MOB3B: variants seen among roughly 807,000 people sequenced by gnomAD.
MOB3B encodes MOB kinase activator 3B.
MOB3B carries 7 observed loss-of-function variants against 18.7 expected under a neutral mutation model. The observed-to-expected ratio is 0.37, with a 90% CI of 0.21 to 0.70. The LOEUF (loss-of-function observed/expected upper bound fraction) is 0.70, where lower values mean the gene tolerates loss of function less well. Ranked by LOEUF, MOB3B falls within the 30% of genes least tolerant of loss-of-function variation. The pLI is 0.52. For synonymous variants in MOB3B, 111 were observed against 99.9 expected (o/e 1.11, Z -0.66); for missense variants, 253 against 281.3 (o/e 0.90, Z 0.72).
chr9:27,417,102 G>A (rs1270729614), intron 2 of MOB3B, among the ~76,000 whole-genome samples: 1 of 152,184 alleles, frequency 6.6e-6, no homozygotes, highest in Non-Finnish European at 1.5e-5. Context: ...AGTGGCTCAC[G>A]CCTGTAATCC....
chr9:27,418,554 T>C (rs1822191627), intron 2 of MOB3B, among the ~76,000 whole-genome samples: 1 of 152,146 alleles, frequency 6.6e-6, no homozygotes, highest in Non-Finnish European at 1.5e-5. Flanking sequence ...ATAAATGTGA[T>C]ACACATAAAC....
intron 2 of MOB3B, among the ~76,000 whole-genome samples, chr9:27,366,030 G>A (rs887215617): frequency 1.3e-5 from 2 of 152,206 alleles, no homozygotes; most frequent in Admixed American, 6.5e-5. Context: ...TGAGCAATTA[G>A]GCTAAGGAGG....
intron 2 of MOB3B, among the ~76,000 whole-genome samples, chr9:27,368,777 A>G (rs1323916922): frequency 2.6e-5 from 4 of 152,190 alleles, no homozygotes; most frequent in Admixed American, 2.0e-4. Flanking sequence ...ATTCTTTCAG[A>G]CATGCCATGT....
chr9:27,390,358 A>G (rs1317170698), intron 2 of MOB3B, among the ~76,000 whole-genome samples: 2 of 152,136 alleles, frequency 1.3e-5, no homozygotes, highest in African/African-American at 4.8e-5. Context: ...ACCCGCCACA[A>G]CTGTGGCTAA....
chr9:27,364,317 C>T (rs567212986), intron 2 of MOB3B, among the ~76,000 whole-genome samples: 96 of 152,178 alleles, frequency 6.3e-4, no homozygotes, highest in Non-Finnish European at 1.3e-3. Context: ...ACATAAGACA[C>T]GATAGACCCT....
chr9:27,413,006 A>T (rs1822094795), intron 2 of MOB3B, among the ~76,000 whole-genome samples: 1 of 152,252 alleles, frequency 6.6e-6, no homozygotes, highest in African/African-American at 2.4e-5. Context: ...TGCTTTAGCC[A>T]TCTACAGGAC....
chr9:27,346,448 A>G (rs935160922), intron 3 of MOB3B, among the ~76,000 whole-genome samples: 1 of 152,186 alleles, frequency 6.6e-6, no homozygotes, highest in Non-Finnish European at 1.5e-5. Context: ...CTTCCTTTTT[A>G]TAATGAAGAT....
At chr9:27,355,244 A>G (rs1036854245) in intron 3 of MOB3B, among the ~76,000 whole-genome samples, 1 of 152,164 alleles carries the variant, frequency 6.6e-6, no homozygotes, top group African/African-American at 2.4e-5. Flanking sequence ...TGGTGGAGGC[A>G]AGGCAGAGGG....
intron 3 of MOB3B, among the ~76,000 whole-genome samples, chr9:27,335,130 A>G (rs758813279): frequency 3.9e-5 from 6 of 152,256 alleles, no homozygotes; most frequent in Non-Finnish European, 7.3e-5. Flanking sequence ...CATATGGAAC[A>G]TATGAAGAAG....
At chr9:27,436,355 G>A (rs1295229798) in intron 2 of MOB3B, among the ~76,000 whole-genome samples, 2 of 152,210 alleles carry the variant, frequency 1.3e-5, no homozygotes, top group Non-Finnish European at 2.9e-5. Flanking sequence ...AACACTGAGT[G>A]GAAGAGATTC....
chr9:27,411,172 T>C (rs1197736509), intron 2 of MOB3B, among the ~76,000 whole-genome samples: 1 of 152,222 alleles, frequency 6.6e-6, no homozygotes, highest in East Asian at 1.9e-4. Context: ...CCCTAATAAG[T>C]GGCTTCTTTC....
At chr9:27,446,107 A>G (rs1011602375) in intron 2 of MOB3B, among the ~76,000 whole-genome samples, 24 of 152,186 alleles carry the variant, frequency 1.6e-4, no homozygotes, top group African/African-American at 4.8e-4. Context: ...TAGACACATC[A>G]CTAAGGAGAT....
At chr9:27,510,700 G>A (rs1237944912) in intron 1 of MOB3B, among the ~76,000 whole-genome samples, 1 of 152,094 alleles carries the variant, frequency 6.6e-6, no homozygotes, top group Non-Finnish European at 1.5e-5. Context: ...AGCCAATGTT[G>A]AGCAAATGGA....
At chr9:27,351,150 G>T (rs997906632) in intron 3 of MOB3B, among the ~76,000 whole-genome samples, 1 of 152,132 alleles carries the variant, frequency 6.6e-6, no homozygotes, top group Non-Finnish European at 1.5e-5. Context: ...TGATCCACCC[G>T]CCTAGGCCTC....
intron 1 of MOB3B, among the ~76,000 whole-genome samples, chr9:27,512,882 A>G (rs1820167754): frequency 6.6e-6 from 1 of 152,220 alleles, no homozygotes; most frequent in Non-Finnish European, 1.5e-5. Context: ...ATCATAATGT[A>G]TAGGAATATG....
intron 2 of MOB3B, among the ~76,000 whole-genome samples, chr9:27,417,395 AC>A (rs1416811505): frequency 1.3e-5 from 2 of 151,722 alleles, no homozygotes; most frequent in African/African-American, 2.4e-5. Context: ...AAACAAACAA[AC>A]AAACAAACAA....
chr9:27,363,486 T>C (rs970847357), intron 2 of MOB3B, among the ~76,000 whole-genome samples: 3 of 152,052 alleles, frequency 2.0e-5, no homozygotes, highest in Admixed American at 6.6e-5. Flanking sequence ...GCCAGGATGG[T>C]CTCGATCTCC....
intron 2 of MOB3B, among the ~76,000 whole-genome samples, chr9:27,368,310 C>CTA (rs1000721620): frequency 4.0e-5 from 6 of 151,640 alleles, no homozygotes; most frequent in African/African-American, 1.2e-4. Flanking sequence ...TGCTCTCTGT[C>CTA]TATATATATA....
chr9:27,464,586 C>T (rs12352590), intron 1 of MOB3B, among the ~76,000 whole-genome samples: 5,366 of 152,256 alleles, frequency 0.035, 312 homozygotes, highest in African/African-American at 0.12. Context: ...GTTACAACCT[C>T]TGTATTCTGA....
Sources: allele counts gnomAD v4.1 joint callset (sites outside exome capture counted in the v4.1 genomes callset), GRCh38; gene constraint gnomAD v4.1.1; transcripts MANE v1.5; gene names NCBI Gene and HGNC (gene_info 2026-07-23, HGNC 2026-07-21).